The following DNER variants were observed in gnomAD, a reference collection of about 807,000 sequenced individuals.
The protein encoded by DNER is delta and Notch-like epidermal growth factor-related receptor.
DNER carries 33 observed loss-of-function variants against 78.2 expected under a neutral mutation model. That is an observed-to-expected ratio of 0.42 (90% CI 0.32 to 0.56). DNER has a LOEUF of 0.56. Among genes scored for constraint, DNER ranks in the 20% least tolerant of loss-of-function variants. The probability of loss-of-function intolerance (pLI) is 0.11; values close to 1 mark genes in which losing one functional copy is unlikely to be tolerated. For synonymous variants in DNER, 417 were observed against 384.8 expected, an observed-to-expected ratio of 1.08 and a Z score of -0.98; for missense variants, 918 against 975.3, an observed-to-expected ratio of 0.94 and a Z score of 0.78.
intron 6 of DNER, among the ~76,000 whole-genome samples, chr2:229,508,887 AAAAGAAAAGAAAAG>A (rs1695803414): frequency 1.4e-5 from 1 of 71,908 alleles, no homozygotes; most frequent in African/African-American, 5.3e-5. Context: ...TCTCAAAAAG[AAAAGAAAAGAAAAG>A]AAAAGAAAAG....
intron 1 of DNER, among the ~76,000 whole-genome samples, chr2:229,705,570 G>A (rs1247442610): frequency 2.6e-5 from 4 of 152,106 alleles, no homozygotes; most frequent in Admixed American, 2.6e-4. Context: ...CACAAACCAT[G>A]GAGCAGTCTG....
intron 9 of DNER, among the ~76,000 whole-genome samples, chr2:229,412,845 A>C (rs891062389): frequency 9.2e-5 from 14 of 152,302 alleles, no homozygotes; most frequent in African/African-American, 3.4e-4. Context: ...CAGAAGTGGA[A>C]GGGGAGGCTT....
chr2:229,707,730 G>T (rs1699852144), intron 1 of DNER, among the ~76,000 whole-genome samples: 1 of 152,224 alleles, frequency 6.6e-6, no homozygotes, highest in Non-Finnish European at 1.5e-5. Flanking sequence ...ATTGACTGAA[G>T]GTAGGTTAGT....
intron 7 of DNER, among the ~76,000 whole-genome samples, chr2:229,458,357 G>A (rs2154210746): frequency 6.6e-6 from 1 of 151,826 alleles, no homozygotes; most frequent in East Asian, 1.9e-4. Flanking sequence ...CCTAATAAGA[G>A]AGCTTCAAAA....
chr2:229,387,383 G>T (rs192411669), intron 11 of DNER, among the ~76,000 whole-genome samples: 1 of 151,964 alleles, frequency 6.6e-6, no homozygotes, highest in Non-Finnish European at 1.5e-5. Flanking sequence ...GTAGATAACA[G>T]GTTGATGGGT....
chr2:229,363,398 T>C (rs1386093318), intron 12 of DNER, among the ~76,000 whole-genome samples: 4 of 152,072 alleles, frequency 2.6e-5, no homozygotes, highest in Non-Finnish European at 5.9e-5. Flanking sequence ...GAGGATAACA[T>C]CAAAAGGTCT....
chr2:229,515,391 G>A (rs1695949107), intron 5 of DNER, among the ~76,000 whole-genome samples: 2 of 152,210 alleles, frequency 1.3e-5, no homozygotes, highest in East Asian at 3.9e-4. Context: ...TGCTGTGCAC[G>A]CCCAGTGCAT....
intron 6 of DNER, among the ~76,000 whole-genome samples, chr2:229,499,616 C>T (rs1216412787): frequency 1.5e-5 from 2 of 131,064 alleles, no homozygotes; most frequent in African/African-American, 5.6e-5. Flanking sequence ...AACTGTTAAA[C>T]AGAAAAAAAA....
At chr2:229,514,357 T>C (rs984197073) in intron 5 of DNER, among the ~76,000 whole-genome samples, 1 of 152,214 alleles carries the variant, frequency 6.6e-6, no homozygotes, top group Non-Finnish European at 1.5e-5. Context: ...AATAATGTCA[T>C]CTTTTCTTCT....
At chr2:229,488,068 A>C (rs951673376) in intron 6 of DNER, among the ~76,000 whole-genome samples, 3 of 152,188 alleles carry the variant, frequency 2.0e-5, no homozygotes, top group Admixed American at 6.5e-5. Context: ...GGGAGCACTT[A>C]AGGTCTCTCC....
At chr2:229,712,369 T>A (rs1318745685) in intron 1 of DNER, among the ~76,000 whole-genome samples, 2 of 152,218 alleles carry the variant, frequency 1.3e-5, no homozygotes, top group Non-Finnish European at 2.9e-5. Flanking sequence ...GAAGATGTCT[T>A]ATATCTGTTT....
chr2:229,490,222 AG>A (rs1263117792), intron 6 of DNER, among the ~76,000 whole-genome samples: 6 of 152,194 alleles, frequency 3.9e-5, no homozygotes, highest in Non-Finnish European at 5.9e-5. Flanking sequence ...GAGGGAGACA[AG>A]GTTAGAAGCA....
intron 11 of DNER, among the ~76,000 whole-genome samples, chr2:229,387,669 G>T (rs1170468353): frequency 3.9e-5 from 6 of 151,974 alleles, no homozygotes; most frequent in Non-Finnish European, 7.4e-5. Flanking sequence ...TTGTTTTAAG[G>T]TATAAAATCT....
chr2:229,527,184 AAACTT>A (rs72436276), intron 5 of DNER, among the ~76,000 whole-genome samples: 3,893 of 152,212 alleles, frequency 0.026, 169 homozygotes, highest in African/African-American at 0.089. Flanking sequence ...AAGCTCCTCT[AAACTT>A]AGCCTGGTTT....
At chr2:229,558,703 G>A (rs1456221810) in intron 4 of DNER, among the ~76,000 whole-genome samples, 2 of 152,178 alleles carry the variant, frequency 1.3e-5, no homozygotes, top group Non-Finnish European at 2.9e-5. Flanking sequence ...GTAGGATGGA[G>A]GGAGAGCTGA....
At chr2:229,649,331 T>C (rs1422093260) in intron 1 of DNER, among the ~76,000 whole-genome samples, 1 of 152,198 alleles carries the variant, frequency 6.6e-6, no homozygotes, top group African/African-American at 2.4e-5. Flanking sequence ...TATACGCTCA[T>C]CAGTACTGCA....
chr2:229,682,299 G>C (rs968980562), intron 1 of DNER, among the ~76,000 whole-genome samples: 2 of 152,156 alleles, frequency 1.3e-5, no homozygotes, highest in Non-Finnish European at 2.9e-5. Context: ...ATTAAAATTT[G>C]ATGAATATGT....
At chr2:229,468,633 G>A (rs181240859) in intron 7 of DNER, among the ~76,000 whole-genome samples, 29 of 152,222 alleles carry the variant, frequency 1.9e-4, no homozygotes, top group African/African-American at 6.3e-4. Flanking sequence ...TCTGATCCCC[G>A]AAATATCAGA....
At chr2:229,676,072 C>T (rs548404185) in intron 1 of DNER, among the ~76,000 whole-genome samples, 24 of 152,316 alleles carry the variant, frequency 1.6e-4, no homozygotes, top group African/African-American at 5.3e-4. Context: ...CTGTTCCAAG[C>T]ACAGGCAGTG....
Sources: gnomAD v4.1 joint callset for allele counts (sites outside exome capture counted in the v4.1 genomes callset) on GRCh38, gnomAD v4.1.1 for gene constraint, MANE v1.5 for transcripts, NCBI Gene and HGNC (gene_info 2026-07-23, HGNC 2026-07-21) for gene names.